Variants in VPS41 observed in about 807,000 individuals in gnomAD.
VPS41 encodes VPS41 subunit of HOPS complex, also known as vacuolar protein sorting-associated protein 41 homolog.
In VPS41, 85 loss-of-function variants were observed where a neutral mutation model predicts 130.9. That is an observed-to-expected ratio of 0.65 (90% CI 0.55 to 0.78). The LOEUF is 0.78. VPS41 is among the 30% of genes least tolerant of loss of function. The pLI is 0.00. For synonymous variants in VPS41, 335 were observed against 332.9 expected (o/e 1.01, Z -0.07); for missense variants, 874 against 1,018.7 (o/e 0.86, Z 1.93).
At chr7:38,739,294 T>G (rs1202478282) in intron 25 of VPS41, among the ~76,000 whole-genome samples, 1 of 152,202 alleles carries the variant, frequency 6.6e-6, no homozygotes, top group Non-Finnish European at 1.5e-5. Context: ...TTGATGAACA[T>G]GCAAAATTTC....
Position 38,772,465 on chromosome 7 carries a change from TTC to T in VPS41, c.1128+55_1128+56del, listed in dbSNP as rs1158006258. 8.6e-6 allele frequency: 10 copies of T among 1,157,456 alleles called. No homozygotes were observed. In the East Asian group the frequency reaches 2.0e-4, roughly 24 times the overall value. 71.7% of individuals were successfully genotyped at this position (1,157,456 alleles called of 1,614,324 possible). A position where few individuals can be genotyped will look rare whatever the true frequency, so the allele number is the denominator to read the frequency against. ...AGATTTATTACAAAAACATTTTATC[TTC>T]TCTCTCTATGCTGTAGATGAGTCAA... On this transcript the variant is annotated intron_variant, in intron 13 of 28. Transcript: ENST00000310301.
At chr7:38,767,018 C>G (rs1383716234) in intron 15 of VPS41, among the ~76,000 whole-genome samples, 1 of 152,116 alleles carries the variant, frequency 6.6e-6, no homozygotes, top group Non-Finnish European at 1.5e-5. Context: ...TCTTCCGTAT[C>G]ACAACCCACT....
intron 18 of VPS41, among the ~76,000 whole-genome samples, chr7:38,758,064 G>A (rs1013094047): frequency 3.3e-5 from 5 of 152,156 alleles, no homozygotes; most frequent in South Asian, 2.1e-4. Flanking sequence ...AAACTGTTAT[G>A]CTTGAGTGAT....
intron 14 of VPS41, among the ~76,000 whole-genome samples, chr7:38,768,897 A>C (rs191524550): frequency 1.1e-4 from 16 of 152,262 alleles, no homozygotes; most frequent in African/African-American, 3.6e-4. Flanking sequence ...CAAAATACCC[A>C]AAAACTACCA....
At chr7:38,800,370 C>T (rs1309481626) in intron 7 of VPS41, among the ~76,000 whole-genome samples, 6 of 152,012 alleles carry the variant, frequency 3.9e-5, no homozygotes, top group Middle Eastern at 6.3e-3. Context: ...AATCCTAATT[C>T]GATAAATGCG....
intron 4 of VPS41, among the ~76,000 whole-genome samples, chr7:38,847,979 CTAAT>C (rs1785764303): frequency 6.6e-6 from 1 of 152,036 alleles, no homozygotes; most frequent in African/African-American, 2.4e-5. Context: ...GAGAAAATGC[CTAAT>C]TTATTTTTCC....
rs11406848 is a variant in VPS41, at chr7:38,879,891, T to TAA, written c.61-10640_61-10639dup. ...ATAAAGGTCACTAATGTCATTTCTTTAAAAAAAAAAAAAAGAAAGAAAGAA... is the reference window on the plus strand; with the variant it reads ...ATAAAGGTCACTAATGTCATTTCTTTAAAAAAAAAAAAAAAAGAAAGAAAGAA... On this transcript the variant is annotated intron_variant, in intron 2 of 28. Coordinates refer to ENST00000310301, the MANE Select transcript of VPS41 (RefSeq NM_014396.4). Among the ~76,000 whole-genome samples the TAA allele has an allele frequency of 3.2e-3, 471 of 146,048 alleles. 4 individuals carry two copies. Among genetic ancestry groups the TAA allele is most frequent in the African/African-American group, 9.4e-3 (369 of 39,314 alleles).
chr7:38,725,966 T>C lies in VPS41; in HGVS notation c.*280A>G. The C allele has an allele frequency of 3.3e-6, 1 of 303,344 alleles. No homozygotes were observed. The highest frequency in any genetic ancestry group is 6.1e-6 in the Non-Finnish European group (1 of 164,972). 18.8% of individuals were successfully genotyped at this position (303,344 alleles called of 1,614,324 possible). A position where few individuals can be genotyped will look rare whatever the true frequency, so the allele number is the denominator to read the frequency against. On this transcript the variant is annotated 3_prime_UTR_variant, in exon 29 of 29. Transcript: ENST00000310301. ...GTCTAAAAAATTCATTTCTAACTCCTAGACTTATGTTTCCATTACTATATA... is the reference window on the plus strand; with the variant it reads ...GTCTAAAAAATTCATTTCTAACTCCCAGACTTATGTTTCCATTACTATATA...
intron 25 of VPS41, among the ~76,000 whole-genome samples, chr7:38,732,096 C>T (rs1456046255): frequency 6.6e-6 from 1 of 152,072 alleles, no homozygotes; most frequent in African/African-American, 2.4e-5. Flanking sequence ...AGGAAAAAAC[C>T]CCTTGCTTCC....
At chr7:38,754,323 T>C (rs1783744959) in intron 21 of VPS41, among the ~76,000 whole-genome samples, 2 of 152,224 alleles carry the variant, frequency 1.3e-5, no homozygotes, top group Admixed American at 6.5e-5. Flanking sequence ...GCCATGGTTA[T>C]ATTTAATGGC....
At chr7:38,769,595 T>C (rs1784115541) in intron 14 of VPS41, among the ~76,000 whole-genome samples, 1 of 152,148 alleles carries the variant, frequency 6.6e-6, no homozygotes, top group Non-Finnish European at 1.5e-5. Context: ...TCTCTATCAA[T>C]CAGTAAATGG....
intron 25 of VPS41, chr7:38,741,278 C>G: frequency 3.3e-6 from 1 of 306,988 alleles, no homozygotes; most frequent in Non-Finnish European, 6.6e-6. Flanking sequence ...GGAAGAACAA[C>G]AGTCCGAATT....
chr7:38,830,105 C>T, intron 5 of VPS41, 149 bp downstream of exon 5: 1 of 654,232 alleles, frequency 1.5e-6, no homozygotes. Flanking sequence ...ATATATTTTA[C>T]TTCAATTATG....
intron 4 of VPS41, among the ~76,000 whole-genome samples, chr7:38,847,187 A>G (rs1778905151): frequency 6.6e-6 from 1 of 152,264 alleles, no homozygotes; most frequent in African/African-American, 2.4e-5. Flanking sequence ...TTCCATTCAC[A>G]AAACAGACAT....
At chr7:38,879,891 T>TA (rs11406848) in intron 2 of VPS41, among the ~76,000 whole-genome samples, 88,118 of 145,786 alleles carry the variant, frequency 0.6, 27,604 homozygotes, top group East Asian at 0.88. Context: ...GTCATTTCTT[T>TA]AAAAAAAAAA....
At chr7:38,837,173 G>A (rs1785512215) in intron 4 of VPS41, among the ~76,000 whole-genome samples, 1 of 147,264 alleles carries the variant, frequency 6.8e-6, no homozygotes, top group Non-Finnish European at 1.5e-5. Flanking sequence ...TTAGGTTAAA[G>A]GCAGGGGGCT....
At chr7:38,807,215 G>A (rs2116045267) in intron 7 of VPS41, among the ~76,000 whole-genome samples, 1 of 152,218 alleles carries the variant, frequency 6.6e-6, no homozygotes, top group African/African-American at 2.4e-5. Context: ...CCTCACACCA[G>A]CCTAAATCCT....
At chr7:38,764,167 T>C (rs1783979757) in intron 16 of VPS41, among the ~76,000 whole-genome samples, 1 of 152,136 alleles carries the variant, frequency 6.6e-6, no homozygotes, top group African/African-American at 2.4e-5. Context: ...ACAATAACTG[T>C]ATTGTGTGGT....
intron 5 of VPS41, among the ~76,000 whole-genome samples, chr7:38,825,351 T>C (rs192872751): frequency 2.6e-4 from 40 of 152,368 alleles, no homozygotes; most frequent in Admixed American, 1.4e-3. Context: ...AAATCTTCAA[T>C]GTTTTGGTTC....
Sources: allele counts gnomAD v4.1 joint callset (sites outside exome capture counted in the v4.1 genomes callset), GRCh38; gene constraint gnomAD v4.1.1; transcripts MANE v1.5; gene names NCBI Gene and HGNC (gene_info 2026-07-23, HGNC 2026-07-21).